Variants in SEZ6 observed in about 807,000 individuals in gnomAD.
SEZ6 encodes the protein seizure related 6 homolog.
In SEZ6, 53 loss-of-function variants were observed where a neutral mutation model predicts 101.0. That is an observed-to-expected ratio of 0.52 (90% CI 0.42 to 0.66). SEZ6 has a LOEUF of 0.66. SEZ6 is among the 30% of genes least tolerant of loss of function. SEZ6 has a pLI of 0.00. For missense variants in SEZ6, 1,102 were observed against 1,289.4 expected, an observed-to-expected ratio of 0.85 and a Z score of 2.23; for synonymous variants, 488 against 512.2, an observed-to-expected ratio of 0.95 and a Z score of 0.64.
chr17:28,968,895 G>T (rs2041110066), intron 4 of SEZ6, among the ~76,000 whole-genome samples: 1 of 152,206 alleles, frequency 6.6e-6, no homozygotes, highest in African/African-American at 2.4e-5. Flanking sequence ...AGGGGGATGG[G>T]TAGGAGGGAC....
At chr17:28,987,574 G>A (rs746860755) in intron 1 of SEZ6, among the ~76,000 whole-genome samples, 6 of 152,184 alleles carry the variant, frequency 3.9e-5, no homozygotes, top group Non-Finnish European at 7.3e-5. Context: ...AGGAAAGCAA[G>A]GCCCTGAGCA....
intron 1 of SEZ6, among the ~76,000 whole-genome samples, chr17:28,997,085 A>G (rs1224473794): frequency 6.6e-6 from 1 of 152,084 alleles, no homozygotes; most frequent in Non-Finnish European, 1.5e-5. Flanking sequence ...CCTGGCTGGC[A>G]GGCAGAGGGA....
At chr17:28,970,300 A>G (rs892711283) in intron 3 of SEZ6, among the ~76,000 whole-genome samples, 2 of 152,114 alleles carry the variant, frequency 1.3e-5, no homozygotes, top group African/African-American at 4.8e-5. Flanking sequence ...TCTGTAAAGT[A>G]GGGATGGGGT....
chr17:28,960,929 C>T lies in SEZ6; in HGVS notation c.1285G>A (p.Val429Ile), dbSNP rs777641476. Residue 429 changes from valine to isoleucine, a missense_variant, in exon 6 of 17, where the codon GTC becomes ATC. By Grantham distance (29) the Val-to-Ile change is conservative (BLOSUM62 3). This residue lies in a region of SEZ6 where 556 missense variants were observed against 735.1 expected (regional missense o/e 0.76). Coordinates refer to ENST00000317338, the MANE Select transcript of SEZ6 (RefSeq NM_178860.5). ...VIRNATTGRI[V>I]SPGFPGNYSN... ...TAGTTGCCCGGGAAGCCTGGAGAGA[C>T]GATGCGGCCGGTGGTGGCATTGCGG... is the stretch of plus-strand genomic sequence containing the variant. 1.4e-5 allele frequency: 23 copies of T among 1,613,754 alleles called. No individual in the cohort carries two copies. Among genetic ancestry groups the T allele is most frequent in the South Asian group, 4.4e-5 (4 of 91,090 alleles).
At chr17:28,963,274 C>T (rs2041014796) in intron 5 of SEZ6, among the ~76,000 whole-genome samples, 1 of 152,200 alleles carries the variant, frequency 6.6e-6, no homozygotes, top group African/African-American at 2.4e-5. Flanking sequence ...TCCCTTTTCC[C>T]AGTTCCCATC....
At chr17:28,996,184 C>T (rs2041536167) in intron 1 of SEZ6, among the ~76,000 whole-genome samples, 1 of 151,990 alleles carries the variant, frequency 6.6e-6, no homozygotes, top group African/African-American at 2.4e-5. Flanking sequence ...AGCTAATTAG[C>T]TCCAGCCTTA....
In SEZ6 at chr17:28,959,124, T is replaced by G; in HGVS notation, c.2008A>C (p.Lys670Gln). The G allele has an allele frequency of 1.2e-6, 2 of 1,613,864 alleles. No homozygotes were observed. The highest frequency in any genetic ancestry group is 1.7e-6 in the Non-Finnish European group (2 of 1,179,854). The stretch of plus-strand genomic sequence containing the variant: ...ACATCAGCCATGGAGGTAAAGAGCT[T>G]GAAGTGGCTACGGGGCCCTGAGTAC... Reference protein sequence around the residue: ...GQYSGPRSHFKLFTSMADVTI... With the variant: ...GQYSGPRSHFQLFTSMADVTI... Residue 670 changes from lysine to glutamine, a missense_variant, in exon 10 of 17, where the codon AAG becomes CAG. Lys to Gln is a moderately conservative substitution (Grantham distance 53). Coordinates refer to ENST00000317338, the MANE Select transcript of SEZ6 (RefSeq NM_178860.5). The surrounding 1 kb of genome is among the most constrained non-coding windows in gnomAD (Gnocchi z 4.4).
intron 1 of SEZ6, among the ~76,000 whole-genome samples, chr17:28,989,044 G>C (rs969461793): frequency 2.0e-5 from 3 of 152,188 alleles, no homozygotes; most frequent in Non-Finnish European, 4.4e-5. Flanking sequence ...CATCTCCAGA[G>C]TTGGGGTCTC....
At chr17:28,986,366 G>A (rs1462519455) in intron 1 of SEZ6, among the ~76,000 whole-genome samples, 1 of 152,212 alleles carries the variant, frequency 6.6e-6, no homozygotes, top group Non-Finnish European at 1.5e-5. Flanking sequence ...GGCCCAGCTG[G>A]GTGAGGGTGG....
intron 4 of SEZ6, 68 bp from the exon 5 acceptor site, chr17:28,964,215 G>T (rs936844011): frequency 1.3e-6 from 2 of 1,487,606 alleles, no homozygotes; most frequent in Non-Finnish European, 1.8e-6. Flanking sequence ...GCCATTGGTT[G>T]GGGGAGGTCT....
intron 1 of SEZ6, among the ~76,000 whole-genome samples, chr17:29,002,457 C>T (rs2041627755): frequency 6.6e-6 from 1 of 152,182 alleles, no homozygotes; most frequent in African/African-American, 2.4e-5. Context: ...GCCAGGATGG[C>T]CGCCAGGGCC....
At chr17:28,973,641 C>A (rs1308433254) in intron 3 of SEZ6, among the ~76,000 whole-genome samples, 1 of 152,214 alleles carries the variant, frequency 6.6e-6, no homozygotes, top group Non-Finnish European at 1.5e-5. Context: ...GTTTCAAGCA[C>A]CCTCTTGTGG....
At chr17:28,991,985 C>T (rs1240348398) in intron 1 of SEZ6, among the ~76,000 whole-genome samples, 1 of 152,186 alleles carries the variant, frequency 6.6e-6, no homozygotes, top group African/African-American at 2.4e-5. Context: ...ACGTTTGCTG[C>T]GCTCTGTTGG....
rs565616698 is a variant in SEZ6 at position 28,958,148 on chromosome 17, G to A, written c.2108-7C>T. On this transcript the variant is annotated splice_polypyrimidine_tract_variant and splice_region_variant and intron_variant, in intron 10 of 16. Coordinates refer to ENST00000317338, the MANE Select transcript of SEZ6 (RefSeq NM_178860.5). ...GTGTCATTGCGGGGCACCTCTGGGG[G>A]CACAGAGGCACAAGATGCAGGCCCT... 5.7e-6 allele frequency: 9 copies of A among 1,582,330 alleles called. No homozygotes were observed. In the South Asian group the frequency reaches 7.9e-5, roughly 14 times the overall value.
chr17:28,986,623 C>A (rs896126320), intron 1 of SEZ6, among the ~76,000 whole-genome samples: 4 of 152,242 alleles, frequency 2.6e-5, no homozygotes, highest in African/African-American at 7.2e-5. Context: ...CTGGGGGAAC[C>A]GCCGAACCAG....
In SEZ6 at chr17:29,005,926, G is replaced by C; in HGVS notation, c.-57C>G. On this transcript the variant is annotated 5_prime_UTR_variant, in exon 1 of 17. Transcript: ENST00000317338. This position sits in a 1 kb window ranked among gnomAD's most constrained non-coding sequence, Gnocchi z 4.8. The stretch of plus-strand genomic sequence containing the variant: ...ACCGCGGCGGGAGGGCGGGGGGCTT[G>C]GTGGGGCTTGGGCGCGGGGGCAGAG... 1 of 1,372,398 alleles carries C rather than the reference G, an allele frequency of 7.3e-7. No individual in the cohort carries two copies. Among genetic ancestry groups the C allele is most frequent in the Non-Finnish European group, 9.5e-7 (1 of 1,054,730 alleles). The allele number at this position is 1,372,398 out of a possible 1,614,324, so 85.0% of individuals were successfully genotyped here.
At chr17:28,972,582 T>C (rs1472236152) in intron 3 of SEZ6, among the ~76,000 whole-genome samples, 2 of 152,096 alleles carry the variant, frequency 1.3e-5, no homozygotes, top group East Asian at 3.9e-4. Context: ...TGTGAGAAAC[T>C]CTCCACCCAG....
chr17:29,001,312 A>G (rs1161855713), intron 1 of SEZ6, among the ~76,000 whole-genome samples: 3 of 152,146 alleles, frequency 2.0e-5, no homozygotes, highest in African/African-American at 7.2e-5. Context: ...AACAAAACAG[A>G]CTTGGGATCA....
chr17:28,996,093 C>T (rs1384709920), intron 1 of SEZ6, among the ~76,000 whole-genome samples: 2 of 148,266 alleles, frequency 1.3e-5, no homozygotes, highest in Non-Finnish European at 3.0e-5. Context: ...CTCCGCCTCC[C>T]GGGTTCACGC....
Sources: allele counts gnomAD v4.1 joint callset (sites outside exome capture counted in the v4.1 genomes callset), GRCh38; gene constraint gnomAD v4.1.1; regional missense constraint gnomAD v4.1.1; non-coding constraint Gnocchi (gnomAD v3.1); transcripts MANE v1.5; gene names NCBI Gene and HGNC (gene_info 2026-07-23, HGNC 2026-07-21).